Variants in GTPBP6 observed in about 807,000 individuals in gnomAD.
GTPBP6 encodes the protein putative GTP-binding protein 6.
GTPBP6 carries 33 observed loss-of-function variants against 28.9 expected under a neutral mutation model. That is an observed-to-expected ratio of 1.14 (90% confidence interval 0.87 to 1.53). GTPBP6 has a LOEUF of 1.53. Ranked by LOEUF, GTPBP6 falls within the 40% of genes most tolerant of loss-of-function variation. GTPBP6 has a pLI of 0.00. For missense variants in GTPBP6, 507 were observed against 408.3 expected, an observed-to-expected ratio of 1.24 and a Z score of -2.08; for synonymous variants, 231 against 192.7, an observed-to-expected ratio of 1.20 and a Z score of -1.65.
intron 7 of GTPBP6, among the ~76,000 whole-genome samples, chrX:310,110 C>G (rs1419578033): frequency 8.2e-6 from 1 of 121,878 alleles, no homozygotes; most frequent in Non-Finnish European, 1.7e-5. Context: ...TGAACTGTGG[C>G]CCCCCACAAA....
chrX:304,820 G>C, exon 10 of GTPBP6: 1 of 1,388,390 alleles, frequency 7.2e-7, no homozygotes, highest in Non-Finnish European at 9.3e-7. Flanking sequence ...TTCACAGCAG[G>C]CACCGAGGGC....
At position 307,885 on chromosome X, in the gene GTPBP6, G is replaced by A; in HGVS notation, c.1126-5C>T. Reference sequence around the variant, plus strand: ...CCTCACGTGCAAGATGAGATCCTGTGGGCCGGGCCGTGGGGTCAGAGCTGC... The same window carrying A: ...CCTCACGTGCAAGATGAGATCCTGTAGGCCGGGCCGTGGGGTCAGAGCTGC... On this transcript the variant is annotated splice_region_variant and splice_polypyrimidine_tract_variant and intron_variant, in intron 7 of 9. Coordinates refer to ENST00000326153, the Ensembl canonical transcript of GTPBP6. 1 of 1,514,736 alleles carries A rather than the reference G, an allele frequency of 6.6e-7. No homozygotes were observed. Among genetic ancestry groups the A allele is most frequent in the South Asian group, 1.3e-5 (1 of 75,496 alleles). The allele number at this position is 1,514,736 out of a possible 1,614,324, so 93.8% of individuals were successfully genotyped here. A position where few individuals can be genotyped will look rare whatever the true frequency, so the allele number is the denominator to read the frequency against.
At chrX:314,620 C>T (rs1311592103) in intron 4 of GTPBP6, among the ~76,000 whole-genome samples, 1 of 152,000 alleles carries the variant, frequency 6.6e-6, no homozygotes, top group Non-Finnish European at 1.5e-5. Flanking sequence ...TTTCAGGCGC[C>T]CGCCACCACG....
chrX:309,797 T>C (rs1394006385), intron 7 of GTPBP6, among the ~76,000 whole-genome samples: 2 of 137,564 alleles, frequency 1.5e-5, no homozygotes, highest in Non-Finnish European at 3.1e-5. Context: ...TGTCCATGTA[T>C]TGATCATCTG....
intron 7 of GTPBP6, among the ~76,000 whole-genome samples, chrX:309,031 T>C (rs1425456676): frequency 6.6e-6 from 1 of 152,120 alleles, no homozygotes; most frequent in Non-Finnish European, 1.5e-5. Context: ...GGTCCATAAT[T>C]TATTGTCGGG....
intron 7 of GTPBP6, among the ~76,000 whole-genome samples, chrX:308,117 C>A (rs1351784535): frequency 7.2e-5 from 11 of 152,160 alleles, no homozygotes; most frequent in Non-Finnish European, 1.6e-4. Context: ...CAGCTCCGCA[C>A]CCCCAGACCC....
chrX:309,259 G>A (rs1195820880), intron 7 of GTPBP6, among the ~76,000 whole-genome samples: 6 of 152,256 alleles, frequency 3.9e-5, no homozygotes, highest in East Asian at 1.9e-4. Context: ...TCTACGGTAC[G>A]GATGGAGTGT....
chrX:311,787 C>A (rs770047020), intron 6 of GTPBP6, 160 bp from the exon 7 acceptor site: 2 of 645,066 alleles, frequency 3.1e-6, no homozygotes, highest in Non-Finnish European at 5.5e-6. Flanking sequence ...CCAGACCCGA[C>A]GCGTGGGACA....
exon 2 of GTPBP6, chrX:317,035 C>T (rs1267212327): frequency 3.8e-5 from 15 of 398,470 alleles, no homozygotes; most frequent in Non-Finnish European, 4.4e-5. Flanking sequence ...CTGTGGCCTC[C>T]GCCACCTGCC....
intron 1 of GTPBP6, 102 bp downstream of exon 1, chrX:318,337 G>C (rs1336285095): frequency 5.2e-6 from 2 of 388,332 alleles, no homozygotes; most frequent in Admixed American, 4.6e-5. Flanking sequence ...CGTCCCTTCA[G>C]AGCCCCGCCC....
intron 7 of GTPBP6, among the ~76,000 whole-genome samples, chrX:309,603 GAGACAC>G (rs2070242723): frequency 6.6e-6 from 1 of 152,170 alleles, no homozygotes; most frequent in Non-Finnish European, 1.5e-5. Flanking sequence ...GGTGTCCTAG[GAGACAC>G]AGACACAGAG....
At chrX:308,732 CTTTTTTTT>C (rs1164566238) in intron 7 of GTPBP6, among the ~76,000 whole-genome samples, 4,354 of 109,592 alleles carry the variant, frequency 0.04, 196 homozygotes, top group African/African-American at 0.14. Flanking sequence ...GAAAGTTTTA[CTTTTTTTT>C]TTTTTTTTTT....
exon 10 of GTPBP6, chrX:305,051 C>T (rs1295912788): frequency 9.9e-6 from 16 of 1,609,878 alleles, no homozygotes; most frequent in Middle Eastern, 1.8e-4. Flanking sequence ...GCCCCCACCC[C>T]GCAGGCCTCT....
intron 6 of GTPBP6, 169 bp from the exon 7 acceptor site, chrX:311,796 C>G (rs2070306204): frequency 1.6e-6 from 1 of 632,622 alleles, no homozygotes. Context: ...ACGCGTGGGA[C>G]AAAGCCACCG....
At chrX:315,290 C>T (rs1215337169) in exon 3 of GTPBP6, 12 of 398,362 alleles carry the variant, frequency 3.0e-5, no homozygotes, top group Non-Finnish European at 4.9e-5. Flanking sequence ...TGGAGACCCT[C>T]GGATCTTTTC....
chrX:308,353 G>A lies in GTPBP6; in HGVS notation c.1126-473C>T, dbSNP rs146291339. 4.1e-3 allele frequency among the ~76,000 whole-genome samples: 622 copies of A among 152,262 alleles called. 2 individuals carry two copies. The highest frequency in any genetic ancestry group is 0.014 in the African/African-American group (584 of 41,540). The stretch of plus-strand genomic sequence containing the variant: ...CAGGGAAAAAAAAATAAAGCCGTGT[G>A]TAATTCTCCAACTTATACTACCGGG... On this transcript the variant is annotated intron_variant, in intron 7 of 9. Transcript: ENST00000326153.
intron 2 of GTPBP6, 50 bp downstream of exon 2, chrX:316,864 G>C (rs1443156533): frequency 2.5e-6 from 1 of 398,642 alleles, no homozygotes; most frequent in Non-Finnish European, 4.4e-6. Context: ...TTTCGGTAGC[G>C]GCGGACAGGA....
At chrX:318,750 C>T (rs1377273992) in exon 1 of GTPBP6, 3 of 325,124 alleles carry the variant, frequency 9.2e-6, no homozygotes, top group Admixed American at 4.9e-5. Flanking sequence ...GCGGGAGAGC[C>T]GCAGCCCCGG....
chrX:311,867 G>A, intron 6 of GTPBP6: 1 of 603,618 alleles, frequency 1.7e-6, no homozygotes, highest in South Asian at 1.9e-5. Context: ...ATGGTGGTGT[G>A]GACGGGTGTG....
Sources: gnomAD v4.1 joint callset for allele counts (sites outside exome capture counted in the v4.1 genomes callset) on GRCh38, gnomAD v4.1.1 for gene constraint, MANE v1.5 for transcripts, NCBI Gene and HGNC (gene_info 2026-07-23, HGNC 2026-07-21) for gene names.